The following FAM13A variants were observed in gnomAD, a reference collection of about 807,000 sequenced individuals.
FAM13A encodes the protein protein FAM13A.
In FAM13A, 76 loss-of-function variants were observed where a neutral mutation model predicts 129.6. The ratio of observed to expected loss-of-function variants is 0.59; its 90% confidence interval spans 0.49 to 0.71. The LOEUF is 0.71. Ranked by LOEUF, FAM13A falls within the 30% of genes least tolerant of loss-of-function variation. The pLI is 0.00. For synonymous variants in FAM13A, 443 were observed against 449.9 expected (o/e 0.98, Z 0.20); for missense variants, 1,108 against 1,249.3 (o/e 0.89, Z 1.70).
intron 3 of FAM13A, among the ~76,000 whole-genome samples, chr4:89,004,550 T>C (rs1764734701): frequency 6.6e-6 from 1 of 152,236 alleles, no homozygotes; most frequent in Non-Finnish European, 1.5e-5. Flanking sequence ...TTCATTTCTT[T>C]TTTCCCTTTT....
At chr4:88,973,656 C>A (rs1165376963) in intron 4 of FAM13A, among the ~76,000 whole-genome samples, 1 of 152,148 alleles carries the variant, frequency 6.6e-6, no homozygotes, top group African/African-American at 2.4e-5. Context: ...GATGCTTGCT[C>A]TGCCACTTTA....
At chr4:89,032,652 G>C (rs1171976288) in intron 1 of FAM13A, among the ~76,000 whole-genome samples, 46 of 152,256 alleles carry the variant, frequency 3.0e-4, no homozygotes, top group Non-Finnish European at 4.4e-5. Flanking sequence ...TTGGAAAATA[G>C]GATAGTTAAC....
intron 5 of FAM13A, among the ~76,000 whole-genome samples, chr4:88,915,434 G>A (rs1749956844): frequency 6.6e-6 from 1 of 152,196 alleles, no homozygotes; most frequent in South Asian, 2.1e-4. Context: ...AAGATGAGAA[G>A]TAGTGAAATT....
chr4:88,979,872 G>A (rs796469636), intron 4 of FAM13A, among the ~76,000 whole-genome samples: 9 of 152,300 alleles, frequency 5.9e-5, no homozygotes, highest in African/African-American at 2.2e-4. Flanking sequence ...TTGGGAGGCT[G>A]AGGCAGAAGA....
At chr4:88,896,471 T>C (rs1168049950) in intron 6 of FAM13A, among the ~76,000 whole-genome samples, 1 of 152,218 alleles carries the variant, frequency 6.6e-6, no homozygotes, top group Non-Finnish European at 1.5e-5. Flanking sequence ...AGGAACTGTA[T>C]ATTAAAAAAA....
At position 89,039,378 on chromosome 4, in the gene FAM13A, C is replaced by T. The variant is rs144331269; in HGVS notation, c.28-9729G>A. 3.4e-3 allele frequency among the ~76,000 whole-genome samples: 513 copies of T among 152,254 alleles called. 3 individuals carry two copies. The highest frequency in any genetic ancestry group is 0.012 in the African/African-American group (482 of 41,530). Reference sequence around the variant, plus strand: ...CATCATGCATTTTACCAAATTCACACAATGCATAACACAAACAGGGAAACC... The same window carrying T: ...CATCATGCATTTTACCAAATTCACATAATGCATAACACAAACAGGGAAACC... On this transcript the variant is annotated intron_variant, in intron 1 of 23. Transcript: ENST00000264344.
At chr4:88,799,297 C>T (rs1268946354) in intron 8 of FAM13A, among the ~76,000 whole-genome samples, 1 of 152,142 alleles carries the variant, frequency 6.6e-6, no homozygotes, top group Non-Finnish European at 1.5e-5. Context: ...AATCCACATA[C>T]TTCACAACTA....
chr4:88,911,857 C>T (rs1260518816), intron 5 of FAM13A, among the ~76,000 whole-genome samples: 1 of 152,158 alleles, frequency 6.6e-6, no homozygotes, highest in African/African-American at 2.4e-5. Context: ...ACTTGCTTCC[C>T]TTCATAGCAA....
rs551056675 is a variant in FAM13A at position 89,010,881 on chromosome 4, C to T, written c.427+9579G>A. The stretch of plus-strand genomic sequence containing the variant: ...TTTTTTTTTCTGAGATGGAGTCTTG[C>T]TCTGTTGCCCAGGCTGGAGTGCAGT... On this transcript the variant is annotated intron_variant, in intron 3 of 23. Transcript: ENST00000264344. Among the ~76,000 whole-genome samples, 3 of 152,160 alleles carry T rather than the reference C, an allele frequency of 2.0e-5. No homozygotes were observed. The South Asian group carries it at 6.2e-4, about 32-fold the overall frequency.
intron 8 of FAM13A, among the ~76,000 whole-genome samples, chr4:88,793,167 T>G (rs1359214722): frequency 6.6e-6 from 1 of 151,972 alleles, no homozygotes; most frequent in African/African-American, 2.4e-5. Flanking sequence ...AAACTTCAAT[T>G]ACTTAAATAT....
rs113553232 is a variant in FAM13A at position 88,976,911 on chromosome 4, G to A, written c.605+14062C>T. On this transcript the variant is annotated intron_variant, in intron 4 of 23. Coordinates refer to ENST00000264344, the MANE Select transcript of FAM13A (RefSeq NM_014883.4). Reference sequence around the variant, plus strand: ...ATAGCATTCAGTACAGTAACATGGTGTACAGCTGTGTAGCCTAGGAGCAAT... The same window carrying A: ...ATAGCATTCAGTACAGTAACATGGTATACAGCTGTGTAGCCTAGGAGCAAT... Among the ~76,000 whole-genome samples, 282 of 152,230 alleles carry A rather than the reference G, an allele frequency of 1.9e-3. 1 individual carries two copies. The highest frequency in any genetic ancestry group is 6.6e-3 in the African/African-American group (276 of 41,548).
At chr4:89,029,364 G>T in intron 2 of FAM13A, 96 bp downstream of exon 2, 1 of 990,476 alleles carries the variant, frequency 1.0e-6, no homozygotes, top group Non-Finnish European at 1.5e-6. Flanking sequence ...TGCTTTAGAG[G>T]ATAGCCTAAT....
At chr4:88,897,488 G>A (rs529223195) in intron 6 of FAM13A, among the ~76,000 whole-genome samples, 8 of 152,296 alleles carry the variant, frequency 5.3e-5, no homozygotes, top group South Asian at 2.1e-4. Flanking sequence ...GGGAACACAC[G>A]TACAGACAGA....
At chr4:88,759,668 A>G (rs1744411471) in intron 13 of FAM13A, among the ~76,000 whole-genome samples, 1 of 152,182 alleles carries the variant, frequency 6.6e-6, no homozygotes, top group Non-Finnish European at 1.5e-5. Flanking sequence ...TGTCTTACAA[A>G]TACGCAACTG....
intron 8 of FAM13A, among the ~76,000 whole-genome samples, chr4:88,797,142 C>T (rs567391897): frequency 4.2e-4 from 63 of 151,806 alleles, no homozygotes; most frequent in Non-Finnish European, 8.2e-4. Context: ...TTAAATTTAT[C>T]TCTCAATTAG....
chr4:88,863,237 C>T (rs1339656806), intron 6 of FAM13A, among the ~76,000 whole-genome samples: 1 of 152,096 alleles, frequency 6.6e-6, no homozygotes, highest in Non-Finnish European at 1.5e-5. Flanking sequence ...AATTCAATCA[C>T]CAATGACCAA....
At chr4:88,882,104 G>A (rs1023027884) in intron 6 of FAM13A, among the ~76,000 whole-genome samples, 1 of 152,072 alleles carries the variant, frequency 6.6e-6, no homozygotes, top group East Asian at 1.9e-4. Flanking sequence ...TAGAGATCTA[G>A]ATATCCAAAT....
At chr4:88,912,981 GAAGA>G (rs1749331735) in intron 5 of FAM13A, among the ~76,000 whole-genome samples, 1 of 150,818 alleles carries the variant, frequency 6.6e-6, no homozygotes, top group Non-Finnish European at 1.5e-5. Context: ...ACAGAAGAAA[GAAGA>G]AAGAAGAAGA....
intron 3 of FAM13A, among the ~76,000 whole-genome samples, chr4:89,007,683 G>A (rs1460669370): frequency 1.3e-5 from 2 of 152,158 alleles, no homozygotes; most frequent in Non-Finnish European, 2.9e-5. Context: ...GCACAAAAAG[G>A]GTAAGTAACT....
Sources: gnomAD v4.1 joint callset for allele counts (sites outside exome capture counted in the v4.1 genomes callset) on GRCh38, gnomAD v4.1.1 for gene constraint, MANE v1.5 for transcripts, NCBI Gene and HGNC (gene_info 2026-07-23, HGNC 2026-07-21) for gene names.